The following LRMDA variants were observed in gnomAD, a reference collection of about 807,000 sequenced individuals.
LRMDA encodes the protein leucine rich melanocyte differentiation associated.
A neutral mutation model predicts 29.8 loss-of-function variants in LRMDA; 18 were observed. The observed-to-expected ratio is 0.60, with a 90% confidence interval of 0.42 to 0.90. The LOEUF is 0.90. Ranked by LOEUF, LRMDA falls within the 40% of genes least tolerant of loss-of-function variation. The pLI, the probability that LRMDA is intolerant of heterozygous loss-of-function variation, is 0.00. For synonymous variants in LRMDA, 125 were observed against 109.4 expected (o/e 1.14, Z -0.89); for missense variants, 273 against 273.9 (o/e 1.00, Z 0.02).
chr10:76,387,602 CAA>C (rs998372463), intron 6 of LRMDA, among the ~76,000 whole-genome samples: 4 of 116,766 alleles, frequency 3.4e-5, no homozygotes, highest in East Asian at 2.4e-4. Flanking sequence ...AACACTGTTT[CAA>C]AAAAAAAAAA....
rs58265820 is a variant in LRMDA at position 75,616,249 on chromosome 10, TAGCAGC to T, written c.131+177785_131+177790del. ...ACAGTAATAGTAGCAGTAGCAGCAG[TAGCAGC>T]AGCAGCAGCAGCAGCAGCAGCAGCA... On this transcript the variant is annotated intron_variant, in intron 2 of 6. Transcript: ENST00000611255. Among the ~76,000 whole-genome samples the T allele has an allele frequency of 5.7e-3, 856 of 150,412 alleles. 2 individuals carry two copies. The highest frequency in any genetic ancestry group is 0.017 in the Middle Eastern group (5 of 294).
chr10:75,611,766 T>C (rs1841035215), intron 2 of LRMDA, among the ~76,000 whole-genome samples: 1 of 152,222 alleles, frequency 6.6e-6, no homozygotes, highest in South Asian at 2.1e-4. Flanking sequence ...GAAATTGAGC[T>C]TGGCAAGCAC....
chr10:76,277,253 T>C (rs1840147491), intron 5 of LRMDA, among the ~76,000 whole-genome samples: 1 of 152,140 alleles, frequency 6.6e-6, no homozygotes, highest in Non-Finnish European at 1.5e-5. Context: ...AAAGCCACAT[T>C]AAAAAAGAAC....
chr10:75,800,489 G>T (rs1214896309), intron 2 of LRMDA, among the ~76,000 whole-genome samples: 3 of 151,276 alleles, frequency 2.0e-5, no homozygotes, highest in African/African-American at 7.3e-5. Context: ...CCAGGCTGGA[G>T]TGCAGTGGTG....
intron 2 of LRMDA, among the ~76,000 whole-genome samples, chr10:75,988,036 G>A (rs1847291311): frequency 6.6e-6 from 1 of 152,188 alleles, no homozygotes; most frequent in Non-Finnish European, 1.5e-5. Flanking sequence ...TTTAAAAGCA[G>A]CTGCGATCAC....
At chr10:75,891,467 C>G (rs1027481796) in intron 2 of LRMDA, among the ~76,000 whole-genome samples, 2 of 150,752 alleles carry the variant, frequency 1.3e-5, no homozygotes, top group African/African-American at 4.8e-5. Flanking sequence ...CACACAAAGC[C>G]TTGAGGCAGA....
At chr10:76,082,419 T>G (rs1182569477) in intron 5 of LRMDA, among the ~76,000 whole-genome samples, 1 of 152,138 alleles carries the variant, frequency 6.6e-6, no homozygotes, top group Non-Finnish European at 1.5e-5. Context: ...TATTTGTATC[T>G]GTTGTAGTTA....
At chr10:76,137,580 A>G (rs900719934) in intron 5 of LRMDA, among the ~76,000 whole-genome samples, 1 of 152,110 alleles carries the variant, frequency 6.6e-6, no homozygotes, top group African/African-American at 2.4e-5. Context: ...AAAATAAGAA[A>G]GGCCCTCCTG....
At chr10:75,658,021 C>T (rs1256963227) in intron 2 of LRMDA, among the ~76,000 whole-genome samples, 1 of 152,074 alleles carries the variant, frequency 6.6e-6, no homozygotes, top group Non-Finnish European at 1.5e-5. Context: ...CTTTCCTCCC[C>T]TTCTCTCTGG....
chr10:75,434,654 A>C (rs1844244962), intron 1 of LRMDA, among the ~76,000 whole-genome samples: 1 of 152,220 alleles, frequency 6.6e-6, no homozygotes, highest in Non-Finnish European at 1.5e-5. Context: ...TAGCGCAATC[A>C]TAGCTCACTG....
chr10:76,214,505 C>T lies in LRMDA; in HGVS notation c.517-109896C>T, dbSNP rs573293050. Among the ~76,000 whole-genome samples the T allele has an allele frequency of 1.4e-4, 21 of 150,640 alleles. No individual in the cohort carries two copies. In the East Asian group the frequency reaches 2.5e-3, roughly 18 times the overall value. On this transcript the variant is annotated intron_variant, in intron 5 of 6. Coordinates refer to ENST00000611255, the MANE Select transcript of LRMDA (RefSeq NM_001305581.2). ...GACTACAGGCGCCCACCACCGCGCC[C>T]GGCTAATTTTTTGTATTTTTAGTAG... is the stretch of plus-strand genomic sequence containing the variant.
chr10:75,692,516 T>C (rs1589160282), intron 2 of LRMDA, among the ~76,000 whole-genome samples: 1 of 151,356 alleles, frequency 6.6e-6, no homozygotes, highest in African/African-American at 2.4e-5. Context: ...TACATGTGTG[T>C]ATACACATAT....
Position 75,438,307 on chromosome 10 carries a change from A to C in LRMDA, c.31-87A>C, listed in dbSNP as rs141798435. The C allele has an allele frequency of 1.6e-5, 17 of 1,034,006 alleles. No homozygotes were observed. The African/African-American group carries it at 2.5e-4, about 15-fold the overall frequency. The allele number at this position is 1,034,006 out of a possible 1,614,324, so 64.1% of individuals were successfully genotyped here. A position where few individuals can be genotyped will look rare whatever the true frequency, so the allele number is the denominator to read the frequency against. ...AGAAACATGTGTTTCAAGTTGCAGA[A>C]GCAATCATTGGATCAGTAATTTCAG... On this transcript the variant is annotated intron_variant, in intron 1 of 6. Coordinates refer to ENST00000611255, the MANE Select transcript of LRMDA (RefSeq NM_001305581.2).
intron 2 of LRMDA, among the ~76,000 whole-genome samples, chr10:75,600,649 G>T (rs1840871901): frequency 6.6e-6 from 1 of 152,186 alleles, no homozygotes; most frequent in Non-Finnish European, 1.5e-5. Context: ...GGCAGGGGTA[G>T]TGTGGGGTAT....
chr10:76,402,215 A>G (rs1841856675), intron 6 of LRMDA: 1 of 152,288 alleles, frequency 6.6e-6, no homozygotes, highest in Non-Finnish European at 1.5e-5. Flanking sequence ...TGCTAGGTCA[A>G]AATCCTTGGG....
rs182557066 is a variant in LRMDA at position 76,106,155 on chromosome 10, C to G, written c.516+47372C>G. ...CATGTGCCGAATGAGTCCACGCAAG[C>G]CTTGTTAACACTGATATGACCTCCA... On this transcript the variant is annotated intron_variant, in intron 5 of 6. Coordinates refer to ENST00000611255, the MANE Select transcript of LRMDA (RefSeq NM_001305581.2). 5.3e-3 allele frequency among the ~76,000 whole-genome samples: 808 copies of G among 152,306 alleles called. 5 individuals are homozygous for G. The highest frequency in any genetic ancestry group is 0.017 in the Middle Eastern group (5 of 294).
intron 5 of LRMDA, among the ~76,000 whole-genome samples, chr10:76,255,672 T>G (rs1287526432): frequency 6.6e-6 from 1 of 152,172 alleles, no homozygotes; most frequent in Non-Finnish European, 1.5e-5. Context: ...TGATAGTGCA[T>G]ACAGTAGCTT....
intron 5 of LRMDA, among the ~76,000 whole-genome samples, chr10:76,172,215 C>G (rs1850852288): frequency 6.6e-6 from 1 of 152,180 alleles, no homozygotes; most frequent in South Asian, 2.1e-4. Flanking sequence ...TCCCATCTCT[C>G]AACACTGCCA....
intron 2 of LRMDA, among the ~76,000 whole-genome samples, chr10:75,877,818 A>G (rs1435242807): frequency 6.6e-6 from 1 of 152,178 alleles, no homozygotes; most frequent in Non-Finnish European, 1.5e-5. Context: ...TGCTAATCGC[A>G]TTGGTACCAG....
Sources: allele counts gnomAD v4.1 joint callset (sites outside exome capture counted in the v4.1 genomes callset), GRCh38; gene constraint gnomAD v4.1.1; transcripts MANE v1.5; gene names NCBI Gene and HGNC (gene_info 2026-07-23, HGNC 2026-07-21).